The following SEMA6D variants were observed in gnomAD, a reference collection of about 807,000 sequenced individuals.
SEMA6D encodes the protein semaphorin 6D.
A neutral mutation model predicts 106.6 loss-of-function variants in SEMA6D; 35 were observed. The ratio of observed to expected loss-of-function variants is 0.33; its 90% confidence interval spans 0.25 to 0.44. The LOEUF is 0.44. Ranked by LOEUF, SEMA6D falls within the 20% of genes least tolerant of loss-of-function variation. The pLI is 1.00. For synonymous variants in SEMA6D, 499 were observed against 487.7 expected, an observed-to-expected ratio of 1.02 and a Z score of -0.31; for missense variants, 1,185 against 1,345.9, an observed-to-expected ratio of 0.88 and a Z score of 1.87.
At chr15:47,195,815 T>C (rs569766380) in intron 1 of SEMA6D, among the ~76,000 whole-genome samples, 6 of 152,278 alleles carry the variant, frequency 3.9e-5, no homozygotes, top group African/African-American at 1.4e-4. Context: ...GTGGACACGA[T>C]GTCTTGTTGA....
intron 3 of SEMA6D, among the ~76,000 whole-genome samples, chr15:47,508,310 T>C (rs1365701255): frequency 6.6e-6 from 1 of 152,220 alleles, no homozygotes; most frequent in Non-Finnish European, 1.5e-5. Context: ...AAGCCCTCTG[T>C]ACACTCTCTT....
chr15:47,203,115 A>C (rs1237088861), intron 1 of SEMA6D, among the ~76,000 whole-genome samples: 1 of 152,136 alleles, frequency 6.6e-6, no homozygotes, highest in Non-Finnish European at 1.5e-5. Flanking sequence ...GAACTGACTC[A>C]GTTGATACCA....
chr15:47,453,343 C>T (rs751992935), intron 2 of SEMA6D, among the ~76,000 whole-genome samples: 2 of 151,264 alleles, frequency 1.3e-5, no homozygotes, highest in South Asian at 2.1e-4. Flanking sequence ...CAATTTCTAT[C>T]GCTTAAAGAA....
chr15:47,767,301 C>T (rs1597088076), intron 17 of SEMA6D: 2 of 414,080 alleles, frequency 4.8e-6, no homozygotes, highest in East Asian at 7.4e-5. Flanking sequence ...ATTGACCAAG[C>T]CACATCCTTT....
chr15:47,290,751 C>T (rs527551640), intron 1 of SEMA6D, among the ~76,000 whole-genome samples: 3 of 152,134 alleles, frequency 2.0e-5, no homozygotes, highest in Admixed American at 6.5e-5. Context: ...ACCGCAGTCT[C>T]GTGAATGAAC....
intron 1 of SEMA6D, among the ~76,000 whole-genome samples, chr15:47,367,491 A>G (rs550351913): frequency 1.3e-5 from 2 of 152,310 alleles, no homozygotes; most frequent in African/African-American, 2.4e-5. Flanking sequence ...GCCTTCTTGT[A>G]TACTCAGCTA....
chr15:47,603,556 T>G (rs1411023421), intron 4 of SEMA6D: 1 of 152,166 alleles, frequency 6.6e-6, no homozygotes, highest in East Asian at 1.9e-4. Flanking sequence ...GTTCCTCATC[T>G]GTAAAATAAA....
At chr15:47,435,324 C>T (rs1694143718) in intron 2 of SEMA6D, among the ~76,000 whole-genome samples, 1 of 151,974 alleles carries the variant, frequency 6.6e-6, no homozygotes, top group Non-Finnish European at 1.5e-5. Context: ...TGTTATTTTC[C>T]AAATTGTTAG....
intron 4 of SEMA6D, among the ~76,000 whole-genome samples, chr15:47,695,601 A>T (rs1240403991): frequency 6.6e-6 from 1 of 152,164 alleles, no homozygotes; most frequent in African/African-American, 2.4e-5. Flanking sequence ...AATTCATATT[A>T]TCATCTGATG....
chr15:47,413,589 T>TC (rs1048549346), intron 2 of SEMA6D, among the ~76,000 whole-genome samples: 1 of 151,674 alleles, frequency 6.6e-6, no homozygotes, highest in African/African-American at 2.4e-5. Flanking sequence ...GCTCAAAGGA[T>TC]CCCCCCACCT....
intron 1 of SEMA6D, among the ~76,000 whole-genome samples, chr15:47,354,597 A>G (rs974007534): frequency 6.6e-6 from 1 of 151,582 alleles, no homozygotes; most frequent in Non-Finnish European, 1.5e-5. Context: ...ATATATGTAT[A>G]TATACACATA....
intron 3 of SEMA6D, among the ~76,000 whole-genome samples, chr15:47,492,322 A>G (rs961580302): frequency 6.6e-6 from 1 of 152,324 alleles, no homozygotes. Context: ...ATGGAAATAT[A>G]GAGTTGTCTC....
intron 2 of SEMA6D, among the ~76,000 whole-genome samples, chr15:47,441,139 C>T (rs1021530366): frequency 6.6e-6 from 1 of 152,100 alleles, no homozygotes; most frequent in African/African-American, 2.4e-5. Context: ...TTATGAGTCT[C>T]TTTTGGTCTT....
In SEMA6D at chr15:47,597,893, G is replaced by C. The variant is rs149300092; in HGVS notation, c.-86-2972G>C. 6.1e-3 allele frequency among the ~76,000 whole-genome samples: 917 copies of C among 149,836 alleles called. 9 individuals carry two copies. Among genetic ancestry groups the C allele is most frequent in the African/African-American group, 0.021 (870 of 41,030 alleles). ...ATATAACATATAAAATAACATCACT[G>C]TGTACCCCCATAATTGTATGTAATT... On this transcript the variant is annotated intron_variant, in intron 3 of 19. Transcript: ENST00000558014.
intron 3 of SEMA6D, among the ~76,000 whole-genome samples, chr15:47,503,689 TCACACA>T (rs142397320): frequency 1.3e-4 from 19 of 148,698 alleles, no homozygotes; most frequent in East Asian, 6.0e-4. Context: ...TCTCTCTCTG[TCACACA>T]CACACACACA....
At chr15:47,728,624 A>G (rs2079917665) in intron 1 of SEMA6D, among the ~76,000 whole-genome samples, 1 of 152,228 alleles carries the variant, frequency 6.6e-6, no homozygotes, top group African/African-American at 2.4e-5. Context: ...GCATTGGCCT[A>G]AAGCCACACA....
At chr15:47,317,621 T>G (rs2036734902) in intron 1 of SEMA6D, among the ~76,000 whole-genome samples, 12 of 152,302 alleles carry the variant, frequency 7.9e-5, no homozygotes, top group Admixed American at 7.2e-4. Context: ...TTTTGCAGGG[T>G]ACAGAATTCT....
intron 4 of SEMA6D, among the ~76,000 whole-genome samples, chr15:47,697,554 A>G (rs1296639188): frequency 6.6e-6 from 1 of 152,174 alleles, no homozygotes; most frequent in Non-Finnish European, 1.5e-5. Flanking sequence ...TTTTACTTCT[A>G]AATTCCAATT....
intron 1 of SEMA6D, among the ~76,000 whole-genome samples, chr15:47,261,903 G>C (rs2041634171): frequency 6.6e-6 from 1 of 151,782 alleles, no homozygotes; most frequent in Non-Finnish European, 1.5e-5. Flanking sequence ...ACCATATTTT[G>C]CCTATTGTTT....
Sources: gnomAD v4.1 joint callset for allele counts (sites outside exome capture counted in the v4.1 genomes callset) on GRCh38, gnomAD v4.1.1 for gene constraint, MANE v1.5 for transcripts, NCBI Gene and HGNC (gene_info 2026-07-23, HGNC 2026-07-21) for gene names.